The following COL22A1 variants were observed in gnomAD, a reference collection of about 807,000 sequenced individuals.
COL22A1 encodes collagen alpha-1(XXII) chain.
COL22A1 carries 221 observed loss-of-function variants against 248.9 expected under a neutral mutation model. That is an observed-to-expected ratio of 0.89 (90% CI 0.80 to 0.99). The LOEUF (loss-of-function observed/expected upper bound fraction) is 0.99. Ranked by LOEUF, COL22A1 falls within the 50% of genes least tolerant of loss-of-function variation. COL22A1 has a pLI of 0.00. For synonymous variants in COL22A1, 891 were observed against 793.4 expected (o/e 1.12, Z -2.07); for missense variants, 2,240 against 2,179.0 (o/e 1.03, Z -0.56).
chr8:138,865,743 G>T (rs1449720331), intron 3 of COL22A1, among the ~76,000 whole-genome samples: 1 of 150,914 alleles, frequency 6.6e-6, no homozygotes, highest in South Asian at 2.1e-4. Flanking sequence ...TTGTAGGCCT[G>T]TGTGTGAGTA....
Position 138,594,149 on chromosome 8 carries a change from A to G in COL22A1, c.4483T>C (p.Ser1495Pro). 1.3e-6 allele frequency: 2 copies of G among 1,577,542 alleles called. No individual in the cohort carries two copies. ...CCTGGGGGCCCAGGTCTGCCTTGAG[A>G]TGACTTCATGTACGCCGGGGGCATC... is the stretch of plus-strand genomic sequence containing the variant. Reference protein sequence around the residue: ...AQMPPAYMKSSQGRPGPPGPP... With the variant: ...AQMPPAYMKSPQGRPGPPGPP... Residue 1495 changes from serine (S) to proline (P), a missense_variant, in exon 63 of 65, where the codon TCT (serine) becomes CCT (proline). Coordinates refer to ENST00000303045, the MANE Select transcript of COL22A1 (RefSeq NM_152888.3).
At chr8:138,694,438 C>T in intron 34 of COL22A1, 70 bp downstream of exon 34, 1 of 1,479,790 alleles carries the variant, frequency 6.8e-7, no homozygotes, top group Admixed American at 1.7e-5. Context: ...GGGAGGGTGG[C>T]CTGGAGCGAG....
intron 41 of COL22A1, among the ~76,000 whole-genome samples, chr8:138,672,842 A>C (rs1169941503): frequency 6.6e-6 from 1 of 152,176 alleles, no homozygotes; most frequent in Non-Finnish European, 1.5e-5. Flanking sequence ...GGAAGGAGCA[A>C]GTCCTGGGTT....
chr8:138,871,393 C>G (rs1199519544), intron 3 of COL22A1, among the ~76,000 whole-genome samples: 8 of 152,168 alleles, frequency 5.3e-5, no homozygotes, highest in Admixed American at 4.6e-4. Flanking sequence ...TTTGCAGTCC[C>G]TGTTCCCCGG....
intron 30 of COL22A1, among the ~76,000 whole-genome samples, chr8:138,711,730 CT>C (rs757130864): frequency 7.2e-5 from 11 of 152,154 alleles, no homozygotes; most frequent in Non-Finnish European, 7.3e-5. Flanking sequence ...AGAAAAAGAT[CT>C]GGAAATTGGA....
chr8:138,758,793 T>C (rs1174260896), intron 18 of COL22A1, among the ~76,000 whole-genome samples: 1 of 152,208 alleles, frequency 6.6e-6, no homozygotes, highest in Non-Finnish European at 1.5e-5. Context: ...CTTGACCTTC[T>C]CCTCCCATTT....
Position 138,796,853 on chromosome 8 carries a change from A to G in COL22A1, c.1562T>C (p.Ile521Thr). 6.3e-7 allele frequency: 1 copy of G among 1,597,874 alleles called. No individual in the cohort carries two copies. The highest frequency in any genetic ancestry group is 1.3e-5 in the African/African-American group (1 of 74,590). Reference protein sequence around the residue: ...GPKGEKGDVGIGPFGQGEKGE... With the variant: ...GPKGEKGDVGTGPFGQGEKGE... ...CTTTTCCCCTTGGCCAAAAGGTCCT[A>G]TGCCCTAGAAAAATGAAAGAAGGCA... The change falls in exon 12 of 65, where the codon ATA becomes ACA. Residue 521 changes from isoleucine (I) to threonine (T), a missense_variant. By Grantham distance (89) the Ile-to-Thr change is moderately conservative. Transcript: ENST00000303045.
intron 35 of COL22A1, among the ~76,000 whole-genome samples, chr8:138,692,258 G>GCGTGCGTGTATGCA (rs1564201694): frequency 7.1e-5 from 2 of 28,102 alleles, no homozygotes; most frequent in African/African-American, 1.2e-4. Flanking sequence ...GTATGTGTGC[G>GCGTGCGTGTATGCA]TGTGTGCATG....
chr8:138,598,669 C>G (rs768578389), intron 61 of COL22A1, 50 bp downstream of exon 61: 2 of 1,548,716 alleles, frequency 1.3e-6, no homozygotes, highest in South Asian at 1.2e-5. Context: ...CCCTGGCTCC[C>G]CCTTAGGCCC....
At chr8:138,770,208 G>A (rs1272921610) in intron 16 of COL22A1, among the ~76,000 whole-genome samples, 1 of 152,162 alleles carries the variant, frequency 6.6e-6, no homozygotes, top group Non-Finnish European at 1.5e-5. Flanking sequence ...CTCAGGACTG[G>A]AATGTTTACA....
intron 47 of COL22A1, among the ~76,000 whole-genome samples, chr8:138,645,417 A>T (rs1013072391): frequency 6.6e-6 from 1 of 152,122 alleles, no homozygotes; most frequent in African/African-American, 2.4e-5. Context: ...ATTCTGCCCT[A>T]ACTTTCAAAG....
At chr8:138,729,648 C>T (rs1314004779) in intron 23 of COL22A1, among the ~76,000 whole-genome samples, 1 of 152,196 alleles carries the variant, frequency 6.6e-6, no homozygotes, top group Non-Finnish European at 1.5e-5. Flanking sequence ...AGCCTCTTTT[C>T]CAATTTACAG....
At chr8:138,912,651 G>A (rs1055131495) in intron 1 of COL22A1, among the ~76,000 whole-genome samples, 1 of 152,168 alleles carries the variant, frequency 6.6e-6, no homozygotes, top group African/African-American at 2.4e-5. Flanking sequence ...GAGTCAGGAG[G>A]AGAATCGCTT....
At chr8:138,910,573 G>A (rs532411506) in intron 1 of COL22A1, among the ~76,000 whole-genome samples, 8 of 151,996 alleles carry the variant, frequency 5.3e-5, no homozygotes, top group South Asian at 2.1e-4. Context: ...GGTCTTCCTC[G>A]AGTTTGCAGT....
rs1827376352 is a variant in COL22A1 at position 138,694,863 on chromosome 8, T to C, written c.2609A>G (p.Lys870Arg). ...CAGGCCTGGATCGCCCTTCTCTCCT[T>C]TGGGCCCTTGTTCTCCCTGTTGGTG... ...HPRMPGEQGP[K>R]GEKGDPGLPG... The change falls in exon 33 of 65, where the codon AAA (lysine) becomes AGA (arginine). Residue 870 changes from lysine (K) to arginine (R), a missense_variant. By Grantham distance (26) the Lys-to-Arg change is conservative. Transcript: ENST00000303045. The C allele has an allele frequency of 3.7e-6, 6 of 1,614,024 alleles. No individual in the cohort carries two copies. The highest frequency in any genetic ancestry group is 4.5e-5 in the East Asian group (2 of 44,856).
chr8:138,598,852 C>G lies in COL22A1; in HGVS notation c.4232G>C (p.Gly1411Ala). 6.2e-7 allele frequency: 1 copy of G among 1,614,128 alleles called. No individual in the cohort carries two copies. Among genetic ancestry groups the G allele is most frequent in the Non-Finnish European group, 8.5e-7 (1 of 1,180,018 alleles). The change falls in exon 61 of 65, where the codon GGC becomes GCC. Residue 1411 changes from glycine to alanine, a missense_variant. By Grantham distance (60) the Gly-to-Ala change is moderately conservative. Coordinates refer to ENST00000303045, the MANE Select transcript of COL22A1 (RefSeq NM_152888.3). ...KGDKGPPGGK[G>A]QPGDPGIPGH... ...TGGGATTCCAGGGTCCCCAGGCTGG[C>G]CTTTTCCACCAGGAGGTCCTTTGTC... is the stretch of plus-strand genomic sequence containing the variant.
intron 3 of COL22A1, among the ~76,000 whole-genome samples, chr8:138,848,661 A>AGT (rs530860918): frequency 7.9e-4 from 120 of 152,294 alleles, no homozygotes; most frequent in African/African-American, 2.7e-3. Context: ...TTGAGTACCC[A>AGT]GTGTGTGTGT....
Position 138,821,416 on chromosome 8 carries a change from G to A in COL22A1, c.970-5C>T, listed in dbSNP as rs976787740. The A allele has an allele frequency of 1.2e-6, 2 of 1,610,804 alleles. No homozygotes were observed. The highest frequency in any genetic ancestry group is 1.7e-6 in the Non-Finnish European group (2 of 1,177,242). ...ACCATCCAGCCGGATGGAGACCTGG[G>A]GAGGAAAGGACCAGAGACTCCTTGA... is the stretch of plus-strand genomic sequence containing the variant. On this transcript the variant is annotated splice_region_variant and splice_polypyrimidine_tract_variant and intron_variant, in intron 6 of 64. Coordinates refer to ENST00000303045, the MANE Select transcript of COL22A1 (RefSeq NM_152888.3).
intron 41 of COL22A1, among the ~76,000 whole-genome samples, chr8:138,673,191 AACTT>A (rs978694922): frequency 6.6e-6 from 1 of 150,500 alleles, no homozygotes; most frequent in African/African-American, 2.4e-5. Flanking sequence ...AGCAAAGAGT[AACTT>A]ACTTACAGCC....
Sources: allele counts gnomAD v4.1 joint callset (sites outside exome capture counted in the v4.1 genomes callset), GRCh38; gene constraint gnomAD v4.1.1; transcripts MANE v1.5; gene names NCBI Gene and HGNC (gene_info 2026-07-23, HGNC 2026-07-21).